The following PTPRR variants were observed in gnomAD, a reference collection of about 807,000 sequenced individuals.
PTPRR encodes the protein protein tyrosine phosphatase receptor type R, also known as receptor-type tyrosine-protein phosphatase R.
A neutral mutation model predicts 77.2 loss-of-function variants in PTPRR; 38 were observed. That is an observed-to-expected ratio of 0.49 (90% CI 0.38 to 0.65). PTPRR has a LOEUF of 0.65. Ranked by LOEUF, PTPRR falls within the 30% of genes least tolerant of loss-of-function variation. The pLI, the probability that PTPRR is intolerant of heterozygous loss-of-function variation, is 0.00. For synonymous variants in PTPRR, 299 were observed against 283.1 expected (o/e 1.06, Z -0.57); for missense variants, 744 against 799.2 (o/e 0.93, Z 0.83).
At position 70,701,255 on chromosome 12, in the gene PTPRR, A is replaced by G. The variant is rs529152992; in HGVS notation, c.1076T>C (p.Ile359Thr). The G allele has an allele frequency of 1.2e-6, 2 of 1,613,982 alleles. No homozygotes were observed. The highest frequency in any genetic ancestry group is 8.5e-7 in the Non-Finnish European group (1 of 1,179,920). The change falls in exon 7 of 14, where the codon ATA becomes ACA. Residue 359 changes from isoleucine to threonine, a missense_variant. This residue lies in a region of PTPRR where 570 missense variants were observed against 573.2 expected (regional missense o/e 0.99). Transcript: ENST00000283228. ...TGCTACCTTCTCCCGTGGTGTTGGT[A>G]TAGACACAAAGGGTTCAATGTTCCC... ...SLGNIEPFVS[I>T]PTPREKVAME... is the part of the protein sequence containing the mutation.
chr12:70,850,050 A>T (rs982840698), intron 2 of PTPRR, among the ~76,000 whole-genome samples: 3 of 152,138 alleles, frequency 2.0e-5, no homozygotes, highest in African/African-American at 7.2e-5. Context: ...GTAGTGATAC[A>T]TTTCTCTATT....
At chr12:70,882,157 CA>C (rs1393723680) in intron 2 of PTPRR, among the ~76,000 whole-genome samples, 1 of 152,180 alleles carries the variant, frequency 6.6e-6, no homozygotes, top group African/African-American at 2.4e-5. Context: ...CTCCAAGAAG[CA>C]AATTGAAATC....
At chr12:70,917,989 C>T (rs1235698862) in intron 1 of PTPRR, among the ~76,000 whole-genome samples, 3 of 152,164 alleles carry the variant, frequency 2.0e-5, no homozygotes, top group Admixed American at 6.5e-5. Context: ...TTTATGAAGT[C>T]AGCCTCTGTT....
At position 70,761,551 on chromosome 12, in the gene PTPRR, C is replaced by T. The variant is rs560187208; in HGVS notation, c.547G>A (p.Glu183Lys). ...KTGISDALPSEEVLRSLNINV... is the reference protein window; with the variant it reads ...KTGISDALPSKEVLRSLNINV... The stretch of plus-strand genomic sequence containing the variant: ...ATATTAAGTGAACGAAGAACTTCCT[C>T]AGAGGGCAGAGCATCAGAAATTCCT... The change falls in exon 4 of 14, where the codon GAG becomes AAG. Residue 183 changes from glutamate (E) to lysine (K), a missense_variant. Transcript: ENST00000283228. 38 of 1,612,410 alleles carry T rather than the reference C, an allele frequency of 2.4e-5. 1 individual carries two copies. The South Asian group carries it at 3.5e-4, about 15-fold the overall frequency.
intron 2 of PTPRR, among the ~76,000 whole-genome samples, chr12:70,812,244 C>A (rs958375149): frequency 6.6e-6 from 1 of 152,098 alleles, no homozygotes; most frequent in East Asian, 1.9e-4. Flanking sequence ...TATAATTGCA[C>A]AAGAGACACT....
intron 10 of PTPRR, among the ~76,000 whole-genome samples, chr12:70,670,631 G>A (rs913421290): frequency 3.3e-5 from 5 of 152,202 alleles, no homozygotes; most frequent in Non-Finnish European, 5.9e-5. Context: ...TCTGAAAGGG[G>A]AGAGAAATGC....
rs1885850582 is a variant in PTPRR, at chr12:70,638,500, A to G, written c.*684T>C. On this transcript the variant is annotated 3_prime_UTR_variant, in exon 14 of 14. Coordinates refer to ENST00000283228, the MANE Select transcript of PTPRR (RefSeq NM_002849.4). ...AAGCCACCTTTATGCCCAATAATAG[A>G]GAGTAAATACATATATACCCAATGA... 1 of 152,672 alleles carries G rather than the reference A, an allele frequency of 6.5e-6. No homozygotes were observed. The highest frequency in any genetic ancestry group is 1.5e-5 in the Non-Finnish European group (1 of 68,038). The allele number at this position is 152,672 out of a possible 1,614,324, so 9.5% of individuals were successfully genotyped here.
chr12:70,650,696 T>C (rs1886364247), intron 13 of PTPRR, among the ~76,000 whole-genome samples: 1 of 152,220 alleles, frequency 6.6e-6, no homozygotes, highest in Admixed American at 6.5e-5. Context: ...TGGATGAATG[T>C]ATGCAGGATT....
intron 2 of PTPRR, among the ~76,000 whole-genome samples, chr12:70,859,586 G>T (rs1441437177): frequency 1.3e-5 from 2 of 151,968 alleles, no homozygotes; most frequent in Non-Finnish European, 2.9e-5. Flanking sequence ...CTGGCACTCT[G>T]GGGAAGGAGG....
rs71437157 is a variant in PTPRR, at chr12:70,795,913, A to ATTTTTTTTTTTTTTTTT, written c.358-31152_358-31136dup. On this transcript the variant is annotated intron_variant, in intron 2 of 13. Coordinates refer to ENST00000283228, the MANE Select transcript of PTPRR (RefSeq NM_002849.4). ...TATATGTTCAAAATGTATTTAGTAG[A>ATTTTTTTTTTTTTTTTT]TTTTTTTTTTTTTTTTTTTTTTTTT... Among the ~76,000 whole-genome samples the ATTTTTTTTTTTTTTTTT allele has an allele frequency of 2.8e-4, 25 of 88,390 alleles. 12 individuals carry two copies. Among genetic ancestry groups the ATTTTTTTTTTTTTTTTT allele is most frequent in the East Asian group, 7.4e-4 (2 of 2,700 alleles). 58.0% of individuals were successfully genotyped at this position (88,390 alleles called of 152,430 possible).
At chr12:70,858,548 T>G (rs1004298232) in intron 2 of PTPRR, among the ~76,000 whole-genome samples, 1 of 149,950 alleles carries the variant, frequency 6.7e-6, no homozygotes, top group African/African-American at 2.5e-5. Flanking sequence ...ACTATCAGGT[T>G]TCCTATTAGA....
At chr12:70,847,307 T>C (rs898015063) in intron 2 of PTPRR, among the ~76,000 whole-genome samples, 1 of 152,194 alleles carries the variant, frequency 6.6e-6, no homozygotes, top group Non-Finnish European at 1.5e-5. Context: ...CATTACTATT[T>C]ATTATCGATG....
chr12:70,741,008 C>T (rs1890028932), intron 6 of PTPRR, among the ~76,000 whole-genome samples: 1 of 152,070 alleles, frequency 6.6e-6, no homozygotes, highest in South Asian at 2.1e-4. Flanking sequence ...CTTCATTATG[C>T]CATCTTGGCA....
At chr12:70,794,354 T>A (rs558657524) in intron 2 of PTPRR, among the ~76,000 whole-genome samples, 2 of 152,274 alleles carry the variant, frequency 1.3e-5, no homozygotes, top group Admixed American at 6.5e-5. Flanking sequence ...TAGTGATGTG[T>A]CTATTTACAT....
chr12:70,660,119 G>A (rs1886740291), intron 12 of PTPRR, among the ~76,000 whole-genome samples: 2 of 151,582 alleles, frequency 1.3e-5, no homozygotes, highest in African/African-American at 4.8e-5. Context: ...GGAGGTTGCA[G>A]TGAGCCGAGA....
intron 7 of PTPRR, among the ~76,000 whole-genome samples, chr12:70,699,580 G>T (rs1272995995): frequency 1.3e-5 from 2 of 152,082 alleles, no homozygotes; most frequent in Admixed American, 6.6e-5. Context: ...CTGAGTAGCT[G>T]GGATTACAAG....
chr12:70,720,802 G>T (rs887393834), intron 6 of PTPRR, among the ~76,000 whole-genome samples: 5 of 151,828 alleles, frequency 3.3e-5, no homozygotes. Flanking sequence ...TTTCTTATTG[G>T]TACTACCACT....
chr12:70,693,420 C>T (rs997994998), intron 8 of PTPRR, among the ~76,000 whole-genome samples: 4 of 152,070 alleles, frequency 2.6e-5, no homozygotes, highest in Non-Finnish European at 5.9e-5. Flanking sequence ...CCTCAGCCTC[C>T]CAAGTAGCTG....
At chr12:70,786,378 C>T (rs1395731857) in intron 2 of PTPRR, among the ~76,000 whole-genome samples, 1 of 152,146 alleles carries the variant, frequency 6.6e-6, no homozygotes, top group Non-Finnish European at 1.5e-5. Flanking sequence ...TAAACTGATA[C>T]TTTCCTGAGC....
Sources: allele counts gnomAD v4.1 joint callset (sites outside exome capture counted in the v4.1 genomes callset), GRCh38; gene constraint gnomAD v4.1.1; regional missense constraint gnomAD v4.1.1; transcripts MANE v1.5; gene names NCBI Gene and HGNC (gene_info 2026-07-23, HGNC 2026-07-21).